Variants in LOC128462377 observed in about 807,000 individuals in gnomAD.
At chr16:89,398,323 C>T in the LOC128462377 span, among the ~76,000 whole-genome samples, 1 of 136,806 alleles carries the variant, frequency 7.3e-6, no homozygotes, top group Admixed American at 7.4e-5. Context: ...CACTGTGAAA[C>T]AGCTGAAGAC....
At chr16:89,387,590 G>A in the LOC128462377 span, among the ~76,000 whole-genome samples, 12 of 150,454 alleles carry the variant, frequency 8.0e-5, no homozygotes, top group South Asian at 2.5e-3. Flanking sequence ...GGAGAATGGC[G>A]GGAACCCGGG....
At chr16:89,326,523 T>C in the LOC128462377 span, among the ~76,000 whole-genome samples, 1 of 151,342 alleles carries the variant, frequency 6.6e-6, no homozygotes, top group Non-Finnish European at 1.5e-5. Flanking sequence ...GGCAGGGGGG[T>C]CATTTGGGCC....
chr16:89,330,325 G>A, the LOC128462377 span, among the ~76,000 whole-genome samples: 11 of 152,062 alleles, frequency 7.2e-5, no homozygotes, highest in Admixed American at 2.0e-4. Flanking sequence ...GGGAAGGCTC[G>A]GGAGACCTGG....
the LOC128462377 span, among the ~76,000 whole-genome samples, chr16:89,366,678 A>G: frequency 6.6e-6 from 1 of 152,184 alleles, no homozygotes; most frequent in Non-Finnish European, 1.5e-5. Context: ...GTGCTGAGAC[A>G]TGTCTAGACA....
the LOC128462377 span, among the ~76,000 whole-genome samples, chr16:89,399,249 G>T: frequency 6.6e-6 from 1 of 152,180 alleles, no homozygotes; most frequent in South Asian, 2.1e-4. Context: ...TCATTTATCC[G>T]TAAGAGAAGC....
the LOC128462377 span, among the ~76,000 whole-genome samples, chr16:89,414,329 C>G: frequency 2.6e-5 from 4 of 152,170 alleles, no homozygotes; most frequent in South Asian, 8.3e-4. Flanking sequence ...ACAGCAAGCA[C>G]AAATGGAACA....
chr16:89,370,569 C>G, the LOC128462377 span: 4 of 152,420 alleles, frequency 2.6e-5, no homozygotes, highest in South Asian at 2.1e-4. Context: ...GCAGCGACCA[C>G]AGGGCCTTCC....
chr16:89,401,070 G>A, the LOC128462377 span, among the ~76,000 whole-genome samples: 8 of 152,098 alleles, frequency 5.3e-5, no homozygotes, highest in Non-Finnish European at 1.2e-4. Context: ...TCTCAGTAAT[G>A]TTATATATTT....
chr16:89,342,414 G>A, the LOC128462377 span, among the ~76,000 whole-genome samples: 1 of 152,224 alleles, frequency 6.6e-6, no homozygotes, highest in Admixed American at 6.5e-5. Context: ...ATTCGGTCCA[G>A]GATAAACCAG....
chr16:89,412,570 AG>A, the LOC128462377 span: 3 of 152,224 alleles, frequency 2.0e-5, no homozygotes, highest in Admixed American at 2.0e-4. Flanking sequence ...ACATCTGGGA[AG>A]AAACAAGCAG....
At chr16:89,394,551 C>A in the LOC128462377 span, among the ~76,000 whole-genome samples, 1 of 152,002 alleles carries the variant, frequency 6.6e-6, no homozygotes, top group Admixed American at 6.5e-5. Flanking sequence ...TCGCTTGAAC[C>A]CAGGAGGCGG....
the LOC128462377 span, chr16:89,392,445 T>TAAACGATGGAAATAAGAA: frequency 1.3e-5 from 2 of 152,098 alleles, no homozygotes; most frequent in Admixed American, 6.5e-5. Context: ...CTACAATGGG[T>TAAACGATGGAAATAAGAA]AAACGATGGA....
the LOC128462377 span, chr16:89,403,790 G>A: frequency 1.3e-3 from 195 of 152,278 alleles, no homozygotes; most frequent in African/African-American, 4.4e-3. Context: ...AAAATTAGGC[G>A]GGTGTGGTGA....
At chr16:89,355,231 A>C in the LOC128462377 span, among the ~76,000 whole-genome samples, 1 of 151,698 alleles carries the variant, frequency 6.6e-6, no homozygotes, top group East Asian at 1.9e-4. Flanking sequence ...TCACGGAGGG[A>C]GGGCGGAGGG....
At chr16:89,370,009 A>G in the LOC128462377 span, among the ~76,000 whole-genome samples, 1 of 152,202 alleles carries the variant, frequency 6.6e-6, no homozygotes, top group Non-Finnish European at 1.5e-5. Context: ...TGGCCCCTTC[A>G]GGAAGAGCCA....
chr16:89,324,214 T>C, the LOC128462377 span: 9 of 1,191,158 alleles, frequency 7.6e-6, no homozygotes, highest in East Asian at 6.1e-5. Flanking sequence ...TCAGCATTAC[T>C]GGCCTCTGCT....
At chr16:89,359,478 C>T in the LOC128462377 span, among the ~76,000 whole-genome samples, 1 of 152,248 alleles carries the variant, frequency 6.6e-6, no homozygotes, top group Non-Finnish European at 1.5e-5. Context: ...TCGGCCCCCA[C>T]TGCTTCGGGA....
chr16:89,397,943 T>C, the LOC128462377 span, among the ~76,000 whole-genome samples: 2 of 152,226 alleles, frequency 1.3e-5, no homozygotes. Flanking sequence ...CCTCAGACAC[T>C]GATCTCCTGT....
At chr16:89,339,936 C>T in the LOC128462377 span, 2 of 152,270 alleles carry the variant, frequency 1.3e-5, no homozygotes, top group Non-Finnish European at 2.9e-5. Flanking sequence ...CGGTTCCTGC[C>T]GTACCTTTTC....
Sources: gnomAD v4.1 joint callset for allele counts (sites outside exome capture counted in the v4.1 genomes callset) on GRCh38, gnomAD v4.1.1 for gene constraint, MANE v1.5 for transcripts.